The following SIGLEC12 variants were observed in gnomAD, a reference collection of about 807,000 sequenced individuals.
SIGLEC12 encodes the protein sialic acid-binding Ig-like lectin 12.
A neutral mutation model predicts 54.1 loss-of-function variants in SIGLEC12; 43 were observed. The observed-to-expected ratio is 0.80, with a 90% confidence interval of 0.62 to 1.03. SIGLEC12 has a LOEUF of 1.03. Among genes scored for constraint, SIGLEC12 ranks in the 50% least tolerant of loss-of-function variants. The pLI is 0.00. For missense variants in SIGLEC12, 802 were observed against 735.2 expected (o/e 1.09, Z -1.05); for synonymous variants, 357 against 307.6 (o/e 1.16, Z -1.68).
In SIGLEC12 at chr19:51,491,334, A is replaced by C. The variant is rs1000622458; in HGVS notation, c.*307T>G. On this transcript the variant is annotated 3_prime_UTR_variant, in exon 8 of 8. Coordinates refer to ENST00000291707, the MANE Select transcript of SIGLEC12 (RefSeq NM_053003.4). ...ACCTAGAGAACATTATGTTGAGTGA[A>C]ATAAGCCAGGTACAGAGAGACAAAC... 3.2e-6 allele frequency: 1 copy of C among 312,188 alleles called. No homozygotes were observed. Among genetic ancestry groups the C allele is most frequent in the Non-Finnish European group, 6.0e-6 (1 of 167,414 alleles). 19.3% of individuals were successfully genotyped at this position (312,188 alleles called of 1,614,324 possible).
intron 7 of SIGLEC12, among the ~76,000 whole-genome samples, chr19:51,493,054 C>T (rs1483655659): frequency 1.3e-5 from 2 of 152,146 alleles, no homozygotes; most frequent in Non-Finnish European, 2.9e-5. Flanking sequence ...TTTGTGATTT[C>T]ACTCCCCCAT....
rs1990398390 is a variant in SIGLEC12, at chr19:51,501,553, C to T, written c.181G>A (p.Gly61Ser). ...NGWTASDPVH[G>S]YWFRAGDHVS... ...TGGTCCCCTGCCCGGAACCAGTAGC[C>T]ATGAACTGGATCGGAGGCAGTCCAG... The change falls in exon 1 of 8, where the codon GGC becomes AGC. Residue 61 changes from glycine (G) to serine (S), a missense_variant. Gly to Ser is a moderately conservative substitution (Grantham distance 56). Transcript: ENST00000291707. 1 of 1,613,926 alleles carries T rather than the reference C, an allele frequency of 6.2e-7. No individual in the cohort carries two copies. The highest frequency in any genetic ancestry group is 8.5e-7 in the Non-Finnish European group (1 of 1,179,890).
chr19:51,491,286 G>C lies in SIGLEC12; in HGVS notation c.*355C>G, dbSNP rs143214995. The C allele has an allele frequency of 6.7e-5, 12 of 179,980 alleles. No homozygotes were observed. In the East Asian group the frequency reaches 1.8e-3, roughly 27 times the overall value. 11.1% of individuals were successfully genotyped at this position (179,980 alleles called of 1,614,324 possible). On this transcript the variant is annotated 3_prime_UTR_variant, in exon 8 of 8. Coordinates refer to ENST00000291707, the MANE Select transcript of SIGLEC12 (RefSeq NM_053003.4). ...TTTGAAATATTCAATACATTATTCT[G>C]TTATTTGGAACAACACGGATGAACC...
chr19:51,500,744 C>T lies in SIGLEC12; in HGVS notation c.428-444G>A, dbSNP rs1383798131. On this transcript the variant is annotated intron_variant, in intron 1 of 7. Transcript: ENST00000291707. ...TCTAAATGTGGATCTCCGAGGACCT[C>T]GGGGCATGAGAGATGGAGGGGCCGT... Among the ~76,000 whole-genome samples, 4 of 151,526 alleles carry T rather than the reference C, an allele frequency of 2.6e-5. No homozygotes were observed. In the East Asian group the frequency reaches 5.9e-4, roughly 22 times the overall value.
At chr19:51,496,588 G>A (rs28459630) in intron 7 of SIGLEC12, among the ~76,000 whole-genome samples, 8,786 of 152,250 alleles carry the variant, frequency 0.058, 296 homozygotes, top group Middle Eastern at 0.15. Flanking sequence ...GCTATTCAAC[G>A]TGCAGAGGAA....
Position 51,500,220 on chromosome 19 carries a change from GCACAGAGACA to G in SIGLEC12, c.498_507del (p.Val167ProfsTer64). 1 of 1,614,182 alleles carries G rather than the reference GCACAGAGACA, an allele frequency of 6.2e-7. No homozygotes were observed. Among genetic ancestry groups the G allele is most frequent in the Non-Finnish European group, 8.5e-7 (1 of 1,180,014 alleles). ...TAATGGGGGTAAAGGACACTGCAGG[GCACAGAGACA>G]CACAGACCCTCCTGCACAGTCACCG... On this transcript the variant is annotated frameshift_variant, in exon 2 of 8. Coordinates refer to ENST00000291707, the MANE Select transcript of SIGLEC12 (RefSeq NM_053003.4). LOFTEE classifies it high-confidence loss of function.
chr19:51,501,418 G>C lies in SIGLEC12; in HGVS notation c.316C>G (p.Leu106Val). The change falls in exon 1 of 8, where the codon CTG (leucine) becomes GTG (valine). Residue 106 changes from leucine (L) to valine (V), a missense_variant. Leu to Val is a conservative substitution (Grantham distance 32). Transcript: ENST00000291707. ...LGDPQNKDCTLSIRDTRESDA... is the reference protein window; with the variant it reads ...LGDPQNKDCTVSIRDTRESDA... Reference sequence around the variant, plus strand: ...CTCTCTCTGGTGTCTCTGATGCTCAGGGTACAATCCTTGTTCTGTGGGTCC... The same window carrying C: ...CTCTCTCTGGTGTCTCTGATGCTCACGGTACAATCCTTGTTCTGTGGGTCC... 6.2e-7 allele frequency: 1 copy of C among 1,614,206 alleles called. No individual in the cohort carries two copies. Among genetic ancestry groups the C allele is most frequent in the Non-Finnish European group, 8.5e-7 (1 of 1,180,044 alleles).
chr19:51,497,086 G>A (rs1024742781), intron 6 of SIGLEC12, 110 bp from the exon 7 acceptor site: 48 of 1,547,726 alleles, frequency 3.1e-5, no homozygotes, highest in South Asian at 1.1e-4. Flanking sequence ...TAACTGAGGC[G>A]GGAGGGGAGT....
chr19:51,493,524 A>G (rs1234832263), intron 7 of SIGLEC12, among the ~76,000 whole-genome samples: 2 of 152,124 alleles, frequency 1.3e-5, no homozygotes, highest in African/African-American at 4.8e-5. Context: ...ACAAAATGCA[A>G]CCTATTCTAT....
At chr19:51,497,511 G>C (rs1354990638) in intron 5 of SIGLEC12, 66 bp from the exon 6 acceptor site, 10 of 1,183,952 alleles carry the variant, frequency 8.4e-6, no homozygotes, top group Non-Finnish European at 1.2e-5. Context: ...TCCTCCCACT[G>C]CCTGTAGGGC....
rs78356318 is a variant in SIGLEC12, at chr19:51,495,934, G to A, written c.1599+946C>T. On this transcript the variant is annotated intron_variant, in intron 7 of 7. Transcript: ENST00000291707. ...GGAGTGGGGAGAAAAAAGCATCTGA[G>A]GAGGAGGAACAGCCAATGTGAAGAC... 2.0e-3 allele frequency among the ~76,000 whole-genome samples: 302 copies of A among 152,294 alleles called. 12 individuals are homozygous for A. In the East Asian group the frequency reaches 0.032, roughly 16 times the overall value.
rs780884892 is a variant in SIGLEC12, at chr19:51,499,223, A to G, written c.1088-6T>C. 26 of 1,613,890 alleles carry G rather than the reference A, an allele frequency of 1.6e-5. No homozygotes were observed. The highest frequency in any genetic ancestry group is 1.9e-5 in the Non-Finnish European group (23 of 1,179,900). ...GGTCAAGTTCTGAGGAGGATCTGGA[A>G]CAGAAAGACACGGAGTTCCCATCAC... On this transcript the variant is annotated splice_polypyrimidine_tract_variant and splice_region_variant and intron_variant, in intron 3 of 7. Coordinates refer to ENST00000291707, the MANE Select transcript of SIGLEC12 (RefSeq NM_053003.4).
chr19:51,493,265 G>T (rs555173946), intron 7 of SIGLEC12, among the ~76,000 whole-genome samples: 1 of 152,140 alleles, frequency 6.6e-6, no homozygotes, highest in Non-Finnish European at 1.5e-5. Context: ...ACAGGACATC[G>T]TGCTTTCTGG....
In SIGLEC12 at chr19:51,497,359, T is replaced by C. The variant is rs1463308701; in HGVS notation, c.1492A>G (p.Ile498Val). Residue 498 changes from isoleucine to valine, a missense_variant, in exon 6 of 8, where the codon ATC becomes GTC. By Grantham distance (29) the Ile-to-Val change is conservative. Coordinates refer to ENST00000291707, the MANE Select transcript of SIGLEC12 (RefSeq NM_053003.4). ...TALVFLYFCI[I>V]FVVVRSCRKK... Reference sequence around the variant, plus strand: ...AGGGTCAATGCTCACACAACGAAGATGATGCAGAAGTACAGGAAGACCAGG... The same window carrying C: ...AGGGTCAATGCTCACACAACGAAGACGATGCAGAAGTACAGGAAGACCAGG... The C allele has an allele frequency of 1.2e-6, 2 of 1,613,144 alleles. No individual in the cohort carries two copies. The highest frequency in any genetic ancestry group is 1.7e-6 in the Non-Finnish European group (2 of 1,179,250).
rs768760328 is a variant in SIGLEC12, at chr19:51,496,890, G to T, written c.1589C>A (p.Ser530Ter). ...GMEDANAVRG[S>*]ASQGPLIESP... ...TCAATGCTCACTCACCTGAGAGGCT[G>T]AGCCCCTGACAGCGTTTGCGTCCTC... The change falls in exon 7 of 8, where the codon TCA (serine) becomes TAA (stop). Residue 530 changes from serine to a stop codon, truncating the protein, a stop_gained. Transcript: ENST00000291707. LOFTEE classifies it low-confidence loss of function (END_TRUNC). The T allele has an allele frequency of 1.9e-6, 3 of 1,614,094 alleles. No homozygotes were observed. The South Asian group carries it at 3.3e-5, about 18-fold the overall frequency.
chr19:51,497,030 G>T (rs1271187548), intron 6 of SIGLEC12, 54 bp from the exon 7 acceptor site: 1 of 1,611,472 alleles, frequency 6.2e-7, no homozygotes, highest in Non-Finnish European at 8.5e-7. Context: ...GGTGCAGTGG[G>T]CAGACCAACC....
chr19:51,500,444 T>TG (rs1223502097), intron 1 of SIGLEC12, 144 bp from the exon 2 acceptor site: 3 of 1,471,082 alleles, frequency 2.0e-6, no homozygotes, highest in Non-Finnish European at 2.8e-6. Context: ...GGCAGGGCTG[T>TG]GGGACCCACA....
At chr19:51,497,213 A>G in intron 6 of SIGLEC12, 136 bp downstream of exon 6, 1 of 912,486 alleles carries the variant, frequency 1.1e-6, no homozygotes, top group Non-Finnish European at 1.7e-6. Flanking sequence ...TGAAATTCTT[A>G]CCATGCACCC....
rs371579975 is a variant in SIGLEC12 at position 51,498,084 on chromosome 19, G to A, written c.1339C>T (p.Arg447Ter). 43 of 1,614,198 alleles carry A rather than the reference G, an allele frequency of 2.7e-5. No homozygotes were observed. The highest frequency in any genetic ancestry group is 3.3e-5 in the Non-Finnish European group (39 of 1,180,024). Residue 447 changes from arginine to a stop codon, truncating the protein, a stop_gained, in exon 5 of 8, where the codon CGA becomes TGA. Transcript: ENST00000291707. LOFTEE classifies it high-confidence loss of function. ...HVKDEGEFTCRAQNPLGSQHI... is the reference protein window; with the variant it reads ...HVKDEGEFTC ...TGGGAGCCTAGAGGGTTCTGAGCTC[G>A]GCAGGTGAATTCCCCTTCATCCTTC...
Sources: allele counts gnomAD v4.1 joint callset (sites outside exome capture counted in the v4.1 genomes callset), GRCh38; gene constraint gnomAD v4.1.1; transcripts MANE v1.5; gene names NCBI Gene and HGNC (gene_info 2026-07-23, HGNC 2026-07-21).